PLCB1: variants seen among roughly 807,000 people sequenced by gnomAD.
The protein encoded by PLCB1 is 1-phosphatidylinositol 4,5-bisphosphate phosphodiesterase beta-1.
PLCB1 carries 46 observed loss-of-function variants against 161.8 expected under a neutral mutation model. That is an observed-to-expected ratio of 0.28 (90% CI 0.22 to 0.36). The LOEUF is 0.36. PLCB1 is among the 10% of genes least tolerant of loss of function. The pLI, the probability that PLCB1 is intolerant of heterozygous loss-of-function variation, is 1.00. For missense variants in PLCB1, 1,016 were observed against 1,472.5 expected (o/e 0.69, Z 5.07); for synonymous variants, 517 against 503.7 (o/e 1.03, Z -0.35).
intron 31 of PLCB1, among the ~76,000 whole-genome samples, chr20:8,842,667 GCT>G (rs1198922323): frequency 6.6e-6 from 1 of 152,112 alleles, no homozygotes; most frequent in Non-Finnish European, 1.5e-5. Flanking sequence ...AGGGCCTACA[GCT>G]CTAAGGGGGT....
At chr20:8,672,724 G>A (rs1989979502) in intron 9 of PLCB1, among the ~76,000 whole-genome samples, 1 of 152,118 alleles carries the variant, frequency 6.6e-6, no homozygotes, top group Non-Finnish European at 1.5e-5. Context: ...CTCATGCAAA[G>A]TGTAATGAGA....
At chr20:8,349,031 TACAC>T (rs915922726) in intron 2 of PLCB1, among the ~76,000 whole-genome samples, 4 of 152,192 alleles carry the variant, frequency 2.6e-5, no homozygotes, top group Non-Finnish European at 5.9e-5. Context: ...TACATATATA[TACAC>T]ACACACATAA....
intron 9 of PLCB1, among the ~76,000 whole-genome samples, chr20:8,674,558 C>G (rs532953418): frequency 3.3e-5 from 5 of 152,240 alleles, no homozygotes; most frequent in African/African-American, 9.6e-5. Context: ...TTGAGTGGAC[C>G]GAGGAGGAAC....
chr20:8,395,835 T>C (rs527280299), intron 3 of PLCB1, among the ~76,000 whole-genome samples: 10 of 152,094 alleles, frequency 6.6e-5, no homozygotes, highest in African/African-American at 2.4e-4. Flanking sequence ...AAAAACAAAT[T>C]GTTATTCTAG....
At chr20:8,547,745 A>G (rs113285108) in intron 3 of PLCB1, among the ~76,000 whole-genome samples, 52 of 152,240 alleles carry the variant, frequency 3.4e-4, no homozygotes, top group African/African-American at 1.2e-3. Context: ...ATTGAGAGCA[A>G]TGTTTCCAGA....
intron 2 of PLCB1, among the ~76,000 whole-genome samples, chr20:8,158,308 T>C (rs532735113): frequency 6.6e-6 from 1 of 152,346 alleles, no homozygotes; most frequent in African/African-American, 2.4e-5. Context: ...GGTTGTTCTG[T>C]AGTTCATTTT....
intron 2 of PLCB1, among the ~76,000 whole-genome samples, chr20:8,258,972 C>T (rs866511274): frequency 7.2e-5 from 11 of 152,118 alleles, no homozygotes; most frequent in African/African-American, 1.2e-4. Context: ...CCCCTTTCTC[C>T]GGTCTCTGGC....
intron 3 of PLCB1, among the ~76,000 whole-genome samples, chr20:8,456,825 G>A (rs970890633): frequency 6.6e-6 from 1 of 152,188 alleles, no homozygotes; most frequent in Non-Finnish European, 1.5e-5. Flanking sequence ...TCACATGGGA[G>A]AAGTGGCCAG....
intron 5 of PLCB1, 37 bp downstream of exon 5, chr20:8,646,218 T>G (rs776792394): frequency 8.3e-6 from 11 of 1,327,024 alleles, no homozygotes; most frequent in Non-Finnish European, 4.4e-6. Flanking sequence ...GGGCGTTGCT[T>G]CTTCTGAGTC....
At position 8,321,838 on chromosome 20, in the gene PLCB1, G is replaced by A. The variant is rs535349265; in HGVS notation, c.178-49544G>A. Among the ~76,000 whole-genome samples, 7 of 152,238 alleles carry A rather than the reference G, an allele frequency of 4.6e-5. No individual in the cohort carries two copies. The South Asian group carries it at 1.5e-3, about 32-fold the overall frequency. ...ATAGCCGACATGTCAGTGTCCCCTCGATAGACATTCCCTTGGCATGCAGTA... is the reference window on the plus strand; with the variant it reads ...ATAGCCGACATGTCAGTGTCCCCTCAATAGACATTCCCTTGGCATGCAGTA... On this transcript the variant is annotated intron_variant, in intron 2 of 31. Coordinates refer to ENST00000338037, the MANE Select transcript of PLCB1 (RefSeq NM_015192.4).
intron 2 of PLCB1, among the ~76,000 whole-genome samples, chr20:8,208,470 C>G (rs1297513911): frequency 1.3e-5 from 2 of 152,060 alleles, no homozygotes; most frequent in Non-Finnish European, 2.9e-5. Flanking sequence ...CATTCCACCA[C>G]TAGGTTATTG....
Position 8,657,295 on chromosome 20 carries a change from A to C in PLCB1, c.695+11A>C. ...CATCTTTTCAGAATTGTAAGAGTAC[A>C]CATTTTAAGCCATATCTTTTTCAGC... On this transcript the variant is annotated intron_variant, in intron 8 of 31. Coordinates refer to ENST00000338037, the MANE Select transcript of PLCB1 (RefSeq NM_015192.4). The C allele has an allele frequency of 1.1e-5, 17 of 1,486,828 alleles. No individual in the cohort carries two copies. The highest frequency in any genetic ancestry group is 1.5e-5 in the Non-Finnish European group (16 of 1,064,094). The allele number at this position is 1,486,828 out of a possible 1,614,324, so 92.1% of individuals were successfully genotyped here. A position where few individuals can be genotyped will look rare whatever the true frequency, so the allele number is the denominator to read the frequency against.
intron 3 of PLCB1, among the ~76,000 whole-genome samples, chr20:8,523,496 C>CTCTATATATATATATATATATATATA: frequency 1.9e-5 from 1 of 51,630 alleles, no homozygotes; most frequent in African/African-American, 8.3e-5. Flanking sequence ...CTCTCTCTCT[C>CTCTATATATATATATATATATATATA]TATATATATA....
intron 31 of PLCB1, among the ~76,000 whole-genome samples, chr20:8,828,043 C>A (rs1716522689): frequency 6.6e-6 from 1 of 152,118 alleles, no homozygotes; most frequent in African/African-American, 2.4e-5. Context: ...ACATTACCGT[C>A]ATAAAAAATA....
intron 3 of PLCB1, among the ~76,000 whole-genome samples, chr20:8,530,893 T>G (rs1247466459): frequency 6.6e-6 from 1 of 152,112 alleles, no homozygotes; most frequent in African/African-American, 2.4e-5. Context: ...TCTTTTTCAT[T>G]ACCAATTTGT....
At chr20:8,462,787 C>A (rs1391899336) in intron 3 of PLCB1, among the ~76,000 whole-genome samples, 2 of 135,550 alleles carry the variant, frequency 1.5e-5, no homozygotes, top group African/African-American at 5.4e-5. Context: ...CCATGCCTTG[C>A]CCCTTGCTTT....
intron 27 of PLCB1, among the ~76,000 whole-genome samples, chr20:8,779,102 C>T (rs959150344): frequency 6.6e-6 from 1 of 152,150 alleles, no homozygotes; most frequent in African/African-American, 2.4e-5. Flanking sequence ...AGTATTTCAT[C>T]TCCCAAAATT....
At chr20:8,251,280 T>C (rs1306207052) in intron 2 of PLCB1, among the ~76,000 whole-genome samples, 3 of 151,764 alleles carry the variant, frequency 2.0e-5, no homozygotes, top group East Asian at 1.9e-4. Context: ...ACATAGGAAT[T>C]TGGGGGGAAC....
chr20:8,874,800 A>G (rs1987721818), intron 31 of PLCB1, among the ~76,000 whole-genome samples: 1 of 152,044 alleles, frequency 6.6e-6, no homozygotes, highest in Non-Finnish European at 1.5e-5. Context: ...CCTGTACAAA[A>G]ATAAATATCT....
Sources: gnomAD v4.1 joint callset for allele counts (sites outside exome capture counted in the v4.1 genomes callset) on GRCh38, gnomAD v4.1.1 for gene constraint, MANE v1.5 for transcripts, NCBI Gene and HGNC (gene_info 2026-07-23, HGNC 2026-07-21) for gene names.